HIVEP1: variants seen among roughly 807,000 people sequenced by gnomAD.
HIVEP1 encodes the protein HIVEP zinc finger 1.
In HIVEP1, 36 loss-of-function variants were observed where a neutral mutation model predicts 180.0. The observed-to-expected ratio is 0.20, with a 90% CI of 0.15 to 0.26. The LOEUF is 0.26. Ranked by LOEUF, HIVEP1 falls within the 10% of genes least tolerant of loss-of-function variation. The pLI, the probability that HIVEP1 is intolerant of heterozygous loss-of-function variation, is 1.00. For synonymous variants in HIVEP1, 1,239 were observed against 1,239.0 expected (o/e 1.00, Z 0.00); for missense variants, 3,143 against 3,268.7 (o/e 0.96, Z 0.94).
chr6:12,099,890 C>T (rs758319290), intron 3 of HIVEP1, among the ~76,000 whole-genome samples: 12 of 152,122 alleles, frequency 7.9e-5, no homozygotes, highest in Admixed American at 2.0e-4. Flanking sequence ...TTTCTTTTGT[C>T]ATATTAAATT....
intron 2 of HIVEP1, among the ~76,000 whole-genome samples, chr6:12,027,188 AT>A (rs1768640474): frequency 6.6e-6 from 1 of 152,210 alleles, no homozygotes; most frequent in African/African-American, 2.4e-5. Context: ...TAACACATTT[AT>A]TTGTAAACCC....
intron 3 of HIVEP1, among the ~76,000 whole-genome samples, chr6:12,106,035 TATAC>T (rs961153299): frequency 2.0e-5 from 3 of 151,434 alleles, no homozygotes; most frequent in Non-Finnish European, 2.9e-5. Flanking sequence ...CACACACATA[TATAC>T]ATATATATAC....
At chr6:12,064,453 A>G (rs1466795801) in intron 2 of HIVEP1, among the ~76,000 whole-genome samples, 1 of 152,232 alleles carries the variant, frequency 6.6e-6, no homozygotes, top group African/African-American at 2.4e-5. Flanking sequence ...ACGAATTGTA[A>G]TTGCAACTTA....
the HIVEP1 span, among the ~76,000 whole-genome samples, chr6:12,179,583 G>A: frequency 1.3e-5 from 2 of 152,220 alleles, no homozygotes; most frequent in Non-Finnish European, 2.9e-5. Flanking sequence ...ATCCCCAGGA[G>A]CAGGGAGGAT....
chr6:12,134,770 A>C (rs1054521594), intron 6 of HIVEP1, among the ~76,000 whole-genome samples: 10 of 152,190 alleles, frequency 6.6e-5, no homozygotes, highest in Non-Finnish European at 1.5e-4. Flanking sequence ...CAGGTGTGCT[A>C]GTGGTTCTCA....
intron 7 of HIVEP1, among the ~76,000 whole-genome samples, chr6:12,140,111 C>T (rs1165051312): frequency 1.3e-5 from 2 of 152,148 alleles, no homozygotes; most frequent in Admixed American, 6.5e-5. Flanking sequence ...CTCATACAGG[C>T]GGGTACCCCT....
intron 6 of HIVEP1, among the ~76,000 whole-genome samples, chr6:12,131,489 A>G (rs999606984): frequency 1.3e-5 from 2 of 151,746 alleles, no homozygotes; most frequent in Non-Finnish European, 2.9e-5. Flanking sequence ...GTTTCTATTA[A>G]TGTTTATAAA....
chr6:12,025,016 G>A (rs554804202), intron 2 of HIVEP1, among the ~76,000 whole-genome samples: 1 of 152,312 alleles, frequency 6.6e-6, no homozygotes, highest in South Asian at 2.1e-4. Flanking sequence ...TCTGTTCAGA[G>A]GGCTTTTCAT....
intron 3 of HIVEP1, among the ~76,000 whole-genome samples, chr6:12,118,710 A>T (rs1775372802): frequency 1.3e-5 from 2 of 152,198 alleles, no homozygotes; most frequent in Non-Finnish European, 2.9e-5. Context: ...GGCCCATTAC[A>T]ACCTTATGAC....
intron 7 of HIVEP1, among the ~76,000 whole-genome samples, chr6:12,147,056 A>T (rs1477984870): frequency 6.6e-6 from 1 of 152,210 alleles, no homozygotes; most frequent in Non-Finnish European, 1.5e-5. Context: ...CCGAAGACAC[A>T]CAGGTTGGGG....
At chr6:12,200,454 C>G in the HIVEP1 span, among the ~76,000 whole-genome samples, 1 of 152,254 alleles carries the variant, frequency 6.6e-6, no homozygotes. Flanking sequence ...CTTCTACCTC[C>G]AGCTTGCCCT....
At chr6:12,086,360 A>G (rs1487771980) in intron 2 of HIVEP1, among the ~76,000 whole-genome samples, 2 of 152,166 alleles carry the variant, frequency 1.3e-5, no homozygotes, top group Non-Finnish European at 2.9e-5. Context: ...AGATTTACTG[A>G]CGTGGTATGA....
intron 2 of HIVEP1, among the ~76,000 whole-genome samples, chr6:12,068,203 G>C (rs1046779858): frequency 6.6e-6 from 1 of 152,050 alleles, no homozygotes; most frequent in Non-Finnish European, 1.5e-5. Flanking sequence ...TGATTCTCTT[G>C]CCTCAGCCTC....
At chr6:12,019,161 G>A (rs1768025983) in intron 2 of HIVEP1, among the ~76,000 whole-genome samples, 1 of 152,174 alleles carries the variant, frequency 6.6e-6, no homozygotes, top group Non-Finnish European at 1.5e-5. Context: ...AAGACTTCAG[G>A]GAAGCGGCGG....
chr6:12,079,626 C>G (rs1335906008), intron 2 of HIVEP1, among the ~76,000 whole-genome samples: 1 of 152,162 alleles, frequency 6.6e-6, no homozygotes, highest in African/African-American at 2.4e-5. Flanking sequence ...CAGATAATAT[C>G]TGTAATTTAG....
intron 2 of HIVEP1, among the ~76,000 whole-genome samples, chr6:12,061,585 T>C (rs1771238619): frequency 6.6e-6 from 1 of 152,022 alleles, no homozygotes; most frequent in South Asian, 2.1e-4. Context: ...AATGCTTATA[T>C]CTGAAGAGAT....
intron 2 of HIVEP1, among the ~76,000 whole-genome samples, chr6:12,075,080 G>A (rs947655453): frequency 2.6e-5 from 4 of 152,184 alleles, no homozygotes; most frequent in African/African-American, 7.2e-5. Context: ...TTCTCACACC[G>A]CCCCTTTCCT....
intron 1 of HIVEP1, among the ~76,000 whole-genome samples, chr6:12,013,667 T>G (rs369051771): frequency 6.6e-6 from 1 of 152,364 alleles, no homozygotes; most frequent in East Asian, 1.9e-4. Context: ...AGTTAAGCAT[T>G]CATGCAATTT....
At chr6:12,065,586 G>T (rs765853864) in intron 2 of HIVEP1, among the ~76,000 whole-genome samples, 1 of 152,094 alleles carries the variant, frequency 6.6e-6, no homozygotes, top group Non-Finnish European at 1.5e-5. Flanking sequence ...TTCCCCTGAC[G>T]GGCTCTGTGA....
Sources: gnomAD v4.1 joint callset for allele counts (sites outside exome capture counted in the v4.1 genomes callset) on GRCh38, gnomAD v4.1.1 for gene constraint, MANE v1.5 for transcripts, NCBI Gene and HGNC (gene_info 2026-07-23, HGNC 2026-07-21) for gene names.